The following DMD variants were observed in gnomAD, a reference collection of about 807,000 sequenced individuals.
DMD encodes dystrophin.
A neutral mutation model predicts 330.1 loss-of-function variants in DMD; 63 were observed. The observed-to-expected ratio is 0.19, with a 90% CI of 0.16 to 0.24. The LOEUF is 0.24. DMD is among the 10% of genes least tolerant of loss of function. The pLI, the probability that DMD is intolerant of heterozygous loss-of-function variation, is 1.00. For synonymous variants in DMD, 1,223 were observed against 959.8 expected, an observed-to-expected ratio of 1.27 and a Z score of -5.07; for missense variants, 3,344 against 2,684.1, an observed-to-expected ratio of 1.25 and a Z score of -5.43.
intron 61 of DMD, among the ~76,000 whole-genome samples, chrX:31,327,021 T>A (rs1569526904): frequency 8.9e-6 from 1 of 112,058 alleles, no homozygotes; most frequent in Non-Finnish European, 1.9e-5. Flanking sequence ...AAAAGCAAAT[T>A]TATCGGCAAA....
At chrX:33,338,649 A>G (rs2054291594) in intron 1 of DMD, among the ~76,000 whole-genome samples, 1 of 111,124 alleles carries the variant, frequency 9.0e-6, no homozygotes, top group African/African-American at 3.3e-5. Context: ...CAAAACGTGA[A>G]TACAGTTCAA....
intron 52 of DMD, among the ~76,000 whole-genome samples, chrX:31,682,154 A>G (rs1180793428): frequency 8.9e-6 from 1 of 111,998 alleles, no homozygotes; most frequent in Non-Finnish European, 1.9e-5. Flanking sequence ...ACCCCACAAA[A>G]CTAGTGATTG....
chrX:32,864,761 C>T (rs1456581128), intron 2 of DMD, among the ~76,000 whole-genome samples: 5 of 111,806 alleles, frequency 4.5e-5, no homozygotes, highest in Non-Finnish European at 9.4e-5. Flanking sequence ...ATAATTCACT[C>T]TAATGTATTT....
At chrX:31,410,447 A>T (rs1299413368) in intron 60 of DMD, among the ~76,000 whole-genome samples, 2 of 111,789 alleles carry the variant, frequency 1.8e-5, no homozygotes, top group African/African-American at 3.3e-5. Flanking sequence ...GAAGCAATAG[A>T]GCTAGATGTA....
chrX:33,186,650 TA>T (rs2050277876), intron 1 of DMD, among the ~76,000 whole-genome samples: 1 of 111,381 alleles, frequency 9.0e-6, no homozygotes, highest in African/African-American at 3.3e-5. Flanking sequence ...ATTTTCACAA[TA>T]AAATGCTCAC....
chrX:31,757,614 A>G (rs1306182336), intron 51 of DMD, among the ~76,000 whole-genome samples: 1 of 111,062 alleles, frequency 9.0e-6, no homozygotes, highest in Non-Finnish European at 1.9e-5. Context: ...GTGTCCTTAC[A>G]TGGTGGGAGG....
chrX:31,455,696 A>G (rs1259825350), intron 59 of DMD, among the ~76,000 whole-genome samples: 1 of 112,454 alleles, frequency 8.9e-6, no homozygotes, highest in East Asian at 2.8e-4. Flanking sequence ...GGGCAAGAAT[A>G]TAACATTTCA....
intron 2 of DMD, among the ~76,000 whole-genome samples, chrX:32,983,552 CACACACACACACACACACACACAT>C (rs1174656165): frequency 3.3e-5 from 3 of 91,495 alleles, no homozygotes; most frequent in Non-Finnish European, 4.0e-5. Context: ...CACACACACA[CACACACACACACACACACACACAT>C]ATAGGAACAC....
At chrX:32,546,698 C>T (rs954348480) in intron 16 of DMD, among the ~76,000 whole-genome samples, 15 of 111,450 alleles carry the variant, frequency 1.3e-4, no homozygotes, top group Non-Finnish European at 2.8e-4. Flanking sequence ...CTAAGAATTA[C>T]AGTTTCTACA....
intron 61 of DMD, among the ~76,000 whole-genome samples, chrX:31,328,088 C>G (rs2056890621): frequency 8.9e-6 from 1 of 112,022 alleles, no homozygotes; most frequent in African/African-American, 3.2e-5. Flanking sequence ...TAAAAAATTC[C>G]CACTTATGGA....
intron 44 of DMD, among the ~76,000 whole-genome samples, chrX:32,004,335 T>C (rs2095646979): frequency 8.9e-6 from 1 of 111,798 alleles, no homozygotes; most frequent in Non-Finnish European, 1.9e-5. Flanking sequence ...ATTAGCAGGA[T>C]GAAATTTTGA....
intron 25 of DMD, among the ~76,000 whole-genome samples, chrX:32,455,402 A>G (rs1287330629): frequency 4.5e-5 from 5 of 111,599 alleles, no homozygotes; most frequent in Non-Finnish European, 9.5e-5. Flanking sequence ...ATCGAAGTGA[A>G]TTAATGCATT....
intron 1 of DMD, among the ~76,000 whole-genome samples, chrX:33,311,148 T>C (rs1431729437): frequency 9.1e-6 from 1 of 110,218 alleles, no homozygotes; most frequent in Non-Finnish European, 1.9e-5. Context: ...CTTCATACTG[T>C]ATATACCTAC....
intron 2 of DMD, among the ~76,000 whole-genome samples, chrX:32,961,997 A>G (rs1042788074): frequency 8.9e-6 from 1 of 112,014 alleles, no homozygotes; most frequent in Non-Finnish European, 1.9e-5. Flanking sequence ...TGATTGTGGG[A>G]AAATGACAAC....
intron 18 of DMD, among the ~76,000 whole-genome samples, chrX:32,512,194 G>A (rs58674086): frequency 1.8e-5 from 2 of 112,050 alleles, no homozygotes. Flanking sequence ...ACCTCTTTCA[G>A]ACCTCTGTTC....
intron 7 of DMD, among the ~76,000 whole-genome samples, chrX:32,784,185 G>A (rs773599819): frequency 1.8e-5 from 2 of 111,600 alleles, no homozygotes; most frequent in South Asian, 3.7e-4. Context: ...GTATTTTATT[G>A]GCAATATATG....
rs1381976342 is a variant in DMD at position 31,120,884 on chromosome X, T to TCAATCAACCAATCAATCAATCAATCAAC, written c.*1034_*1035insGTTGATTGATTGATTGATTGGTTGATTG. ...CTGAATGTATCAATCAATCAATCAA[T>TCAATCAACCAATCAATCAATCAATCAAC]CAACCAACCAACCGATTACTCACTC... On this transcript the variant is annotated 3_prime_UTR_variant, in exon 79 of 79. Coordinates refer to ENST00000357033, the MANE Select transcript of DMD (RefSeq NM_004006.3). 11 of 105,349 alleles carry TCAATCAACCAATCAATCAATCAATCAAC rather than the reference T, an allele frequency of 1.0e-4. No individual in the cohort carries two copies. The highest frequency in any genetic ancestry group is 4.4e-4 in the African/African-American group (11 of 24,970). 8.7% of individuals were successfully genotyped at this position (105,349 alleles called of 1,213,427 possible). A position where few individuals can be genotyped will look rare whatever the true frequency, so the allele number is the denominator to read the frequency against.
chrX:31,585,454 G>T (rs1015952172), intron 55 of DMD, among the ~76,000 whole-genome samples: 1 of 104,389 alleles, frequency 9.6e-6, no homozygotes, highest in South Asian at 4.3e-4. Context: ...CTCTTTTTTC[G>T]CCCTGTGAAC....
At chrX:31,468,813 T>C (rs2067071781) in intron 59 of DMD, among the ~76,000 whole-genome samples, 1 of 111,750 alleles carries the variant, frequency 8.9e-6, no homozygotes, top group South Asian at 3.7e-4. Context: ...TCTTTGTAGG[T>C]CTCTAAGAAC....
Sources: gnomAD v4.1 joint callset for allele counts (sites outside exome capture counted in the v4.1 genomes callset) on GRCh38, gnomAD v4.1.1 for gene constraint, MANE v1.5 for transcripts, NCBI Gene and HGNC (gene_info 2026-07-23, HGNC 2026-07-21) for gene names.